PCDHGB1: variants seen among roughly 807,000 people sequenced by gnomAD.
PCDHGB1 encodes the protein protocadherin gamma subfamily B, 1, also known as protocadherin gamma-B1.
Under a neutral mutation model 56.6 loss-of-function variants are expected in PCDHGB1, and 34 were observed. The observed-to-expected ratio is 0.60, with a 90% confidence interval of 0.46 to 0.80. PCDHGB1 has a LOEUF of 0.80. Ranked by LOEUF, PCDHGB1 falls within the 30% of genes least tolerant of loss-of-function variation. The probability of loss-of-function intolerance (pLI) is 0.00; values close to 1 mark genes in which losing one functional copy is unlikely to be tolerated. For missense variants in PCDHGB1, 1,278 were observed against 1,204.6 expected (o/e 1.06, Z -0.90); for synonymous variants, 561 against 505.9 (o/e 1.11, Z -1.46).
chr5:141,389,068 C>T (rs1265953328), intron 1 of PCDHGB1: 2 of 1,613,904 alleles, frequency 1.2e-6, no homozygotes, highest in East Asian at 2.2e-5. Flanking sequence ...ATATTAACTT[C>T]TTCAAGAAAC....
At chr5:141,415,458 C>T in intron 1 of PCDHGB1, 5 of 1,614,204 alleles carry the variant, frequency 3.1e-6, no homozygotes, top group Non-Finnish European at 4.2e-6. Flanking sequence ...CCCACGAGGT[C>T]TCTCTCACCG....
chr5:141,461,303 G>T (rs1390421489), intron 1 of PCDHGB1, among the ~76,000 whole-genome samples: 2 of 152,074 alleles, frequency 1.3e-5, no homozygotes, highest in Non-Finnish European at 2.9e-5. Flanking sequence ...AACATCTATT[G>T]TTTTTTGACT....
At chr5:141,409,502 T>G (rs1311120933) in intron 1 of PCDHGB1, 17 of 1,613,868 alleles carry the variant, frequency 1.1e-5, no homozygotes, top group Non-Finnish European at 1.4e-5. Context: ...GCCTCTTTCT[T>G]CCAGTAGAAG....
At chr5:141,446,621 C>T (rs1284919173) in intron 1 of PCDHGB1, among the ~76,000 whole-genome samples, 2 of 152,094 alleles carry the variant, frequency 1.3e-5, no homozygotes, top group Non-Finnish European at 2.9e-5. Flanking sequence ...GGACTACAGG[C>T]GTGCACCACC....
At chr5:141,461,354 C>T (rs1189322704) in intron 1 of PCDHGB1, among the ~76,000 whole-genome samples, 2 of 152,054 alleles carry the variant, frequency 1.3e-5, no homozygotes, top group Non-Finnish European at 2.9e-5. Context: ...GGTGGTAGCT[C>T]GTTGTGGTTT....
intron 2 of PCDHGB1, among the ~76,000 whole-genome samples, chr5:141,500,008 C>T (rs1027220192): frequency 6.6e-6 from 1 of 151,770 alleles, no homozygotes; most frequent in African/African-American, 2.4e-5. Flanking sequence ...TTCATAAGGT[C>T]CACATTTTAT....
intron 1 of PCDHGB1, chr5:141,376,051 C>G (rs771320447): frequency 7.4e-6 from 12 of 1,613,344 alleles, no homozygotes; most frequent in Non-Finnish European, 9.3e-6. Context: ...CTCTCTCCGC[C>G]ACTGTCACGC....
chr5:141,374,973 T>C (rs1770996442), intron 1 of PCDHGB1: 1 of 1,614,028 alleles, frequency 6.2e-7, no homozygotes, highest in Non-Finnish European at 8.5e-7. Flanking sequence ...TTGAATGTTT[T>C]GACTGGAGAA....
chr5:141,399,259 G>A, intron 1 of PCDHGB1: 1 of 1,613,874 alleles, frequency 6.2e-7, no homozygotes, highest in Non-Finnish European at 8.5e-7. Context: ...AAATGGGGAG[G>A]TTAATTGTCA....
chr5:141,397,287 G>A (rs2093504712), intron 1 of PCDHGB1, among the ~76,000 whole-genome samples: 1 of 152,134 alleles, frequency 6.6e-6, no homozygotes, highest in Admixed American at 6.5e-5. Flanking sequence ...CAGTATACTT[G>A]AATGAATATT....
At chr5:141,492,091 C>A (rs930375969) in intron 1 of PCDHGB1, among the ~76,000 whole-genome samples, 1 of 152,242 alleles carries the variant, frequency 6.6e-6, no homozygotes, top group South Asian at 2.1e-4. Flanking sequence ...CACGCTTCGC[C>A]GGTCTGTAGA....
rs769074023 is a variant in PCDHGB1, at chr5:141,491,738, G to A, written c.2410-3069G>A. ...GCGCCGCCCCGGGCGACCCCTGGGG[G>A]CGGCACTGGAGAAGCCGCCCGTCCT... On this transcript the variant is annotated intron_variant, in intron 1 of 3. Transcript: ENST00000523390. The surrounding 1 kb of genome is among the most constrained non-coding windows in gnomAD (Gnocchi z 6.9). 6.2e-7 allele frequency: 1 copy of A among 1,600,346 alleles called. No homozygotes were observed. The highest frequency in any genetic ancestry group is 8.5e-7 in the Non-Finnish European group (1 of 1,174,196).
At chr5:141,380,706 T>C (rs1203086162) in intron 1 of PCDHGB1, among the ~76,000 whole-genome samples, 1 of 152,260 alleles carries the variant, frequency 6.6e-6, no homozygotes, top group Non-Finnish European at 1.5e-5. Context: ...GTCTATAATT[T>C]AATTTAACTA....
intron 1 of PCDHGB1, chr5:141,402,985 A>G: frequency 6.2e-7 from 1 of 1,609,390 alleles, no homozygotes; most frequent in Non-Finnish European, 8.5e-7. Context: ...AGCTCCGCGG[A>G]AGATTAGTCC....
In PCDHGB1 at chr5:141,372,944, T is replaced by G. The variant is rs575803755; in HGVS notation, c.2409+20275T>G. ...ATTTTCTGGTGTAGAGTAGGGTGTC[T>G]AGGAAATTCTTTGTAGAATTTCCTG... On this transcript the variant is annotated intron_variant, in intron 1 of 3. Coordinates refer to ENST00000523390, the MANE Select transcript of PCDHGB1 (RefSeq NM_018922.3). The G allele has an allele frequency of 1.0e-5, 8 of 788,876 alleles. No individual in the cohort carries two copies. In the East Asian group the frequency reaches 2.2e-4, roughly 22 times the overall value. The allele number at this position is 788,876 out of a possible 1,614,324, so 48.9% of individuals were successfully genotyped here. A position where few individuals can be genotyped will look rare whatever the true frequency, so the allele number is the denominator to read the frequency against.
intron 1 of PCDHGB1, chr5:141,393,647 A>T: frequency 6.2e-7 from 1 of 1,613,964 alleles, no homozygotes; most frequent in Non-Finnish European, 8.5e-7. Context: ...GAAAAGTGGC[A>T]TACAAATTCC....
chr5:141,422,028 A>C, intron 1 of PCDHGB1: 1 of 1,611,196 alleles, frequency 6.2e-7, no homozygotes, highest in Non-Finnish European at 8.5e-7. Flanking sequence ...TGGTTAATGC[A>C]ACGGATCCAG....
At chr5:141,379,275 A>C (rs1248743398) in intron 1 of PCDHGB1, 3 of 152,194 alleles carry the variant, frequency 2.0e-5, no homozygotes, top group African/African-American at 7.2e-5. Flanking sequence ...TTATAGATTT[A>C]TTTATTTCAA....
At chr5:141,376,108 G>T in intron 1 of PCDHGB1, 2 of 1,613,770 alleles carry the variant, frequency 1.2e-6, no homozygotes, top group Non-Finnish European at 1.7e-6. Flanking sequence ...TGGCCGACCT[G>T]GGCAGCCTCG....
Sources: gnomAD v4.1 joint callset for allele counts (sites outside exome capture counted in the v4.1 genomes callset) on GRCh38, gnomAD v4.1.1 for gene constraint, Gnocchi (gnomAD v3.1) non-coding constraint, MANE v1.5 for transcripts, NCBI Gene and HGNC (gene_info 2026-07-23, HGNC 2026-07-21) for gene names.